The following CDH23 variants were observed in gnomAD, a reference collection of about 807,000 sequenced individuals.
CDH23 encodes cadherin-23.
A neutral mutation model predicts 317.1 loss-of-function variants in CDH23; 189 were observed. The ratio of observed to expected loss-of-function variants is 0.60; its 90% CI spans 0.53 to 0.67. The LOEUF (loss-of-function observed/expected upper bound fraction) is 0.67, where lower values mean the gene tolerates loss of function less well. Among genes scored for constraint, CDH23 ranks in the 30% least tolerant of loss-of-function variants. The pLI is 0.00. For missense variants in CDH23, 4,401 were observed against 4,592.4 expected, an observed-to-expected ratio of 0.96 and a Z score of 1.20; for synonymous variants, 1,839 against 1,876.8, an observed-to-expected ratio of 0.98 and a Z score of 0.52.
At chr10:71,631,917 A>G (rs1862030702) in intron 11 of CDH23, among the ~76,000 whole-genome samples, 1 of 152,242 alleles carries the variant, frequency 6.6e-6, no homozygotes, top group African/African-American at 2.4e-5. Context: ...GCATAATTCC[A>G]TGACATTCTC....
chr10:71,809,840 C>T lies in CDH23; in HGVS notation c.8743C>T (p.Arg2915Cys), dbSNP rs185818081. 11 of 1,612,754 alleles carry T rather than the reference C, an allele frequency of 6.8e-6. 1 individual carries two copies. The highest frequency in any genetic ancestry group is 3.3e-5 in the South Asian group (3 of 91,076). ...TGCAGGGAGCATGGACGGCATTCTG[C>T]GCACCTTCGACCTCTTCATGGCCTA... is the stretch of plus-strand genomic sequence containing the variant. ...FTMGSMDGILRTFDLFMAYSP... is the reference protein window; with the variant it reads ...FTMGSMDGILCTFDLFMAYSP... The change falls in exon 61 of 70, where the codon CGC becomes TGC. Residue 2915 changes from arginine to cysteine, a missense_variant. Around this residue, in one of 3 missense-constraint regions of CDH23, gnomAD observed 1,144 missense variants for 1,138.2 expected, o/e 1.01. Transcript: ENST00000224721.
At chr10:71,438,347 C>CAAAAAAAAAAAAAAAAAAAGAAAAAAAA (rs10596696) in intron 1 of CDH23, among the ~76,000 whole-genome samples, 3 of 98,348 alleles carry the variant, frequency 3.1e-5, no homozygotes, top group Admixed American at 1.1e-4. Context: ...CTGTCTCAAA[C>CAAAAAAAAAAAAAAAAAAAGAAAAAAAA]AAAAAAAAAA....
At chr10:71,466,226 G>A (rs1211879739) in intron 3 of CDH23, among the ~76,000 whole-genome samples, 1 of 152,140 alleles carries the variant, frequency 6.6e-6, no homozygotes, top group African/African-American at 2.4e-5. Context: ...TGTGAAGTGT[G>A]TCCCTGTTTG....
At chr10:71,810,617 C>T (rs1291747851) in intron 62 of CDH23, 48 bp downstream of exon 62, 2 of 1,565,804 alleles carry the variant, frequency 1.3e-6, no homozygotes, top group East Asian at 2.2e-5. Flanking sequence ...GTCTGCCTGC[C>T]TCCCTGCCCT....
chr10:71,767,466 T>C (rs1000365134), intron 38 of CDH23, among the ~76,000 whole-genome samples: 6 of 152,180 alleles, frequency 3.9e-5, no homozygotes, highest in Admixed American at 6.5e-5. Context: ...CTGCACTAGA[T>C]GCAAAAGGTC....
At chr10:71,537,495 G>C (rs1368255969) in intron 6 of CDH23, among the ~76,000 whole-genome samples, 1 of 152,216 alleles carries the variant, frequency 6.6e-6, no homozygotes, top group Non-Finnish European at 1.5e-5. Context: ...CTGATGCTGA[G>C]GACAGTGCAG....
At chr10:71,630,740 G>A (rs76294835) in intron 11 of CDH23, among the ~76,000 whole-genome samples, 2,828 of 152,312 alleles carry the variant, frequency 0.019, 185 homozygotes, top group East Asian at 0.16. Flanking sequence ...CAGGGCCTCG[G>A]TGAGGGGCTG....
At chr10:71,688,811 G>A (rs1865031161) in intron 19 of CDH23, among the ~76,000 whole-genome samples, 1 of 15,856 alleles carries the variant, frequency 6.3e-5, no homozygotes. Context: ...TGGAGCCAAC[G>A]GTGGTGGAGC....
chr10:71,712,983 C>T (rs1866044179), intron 28 of CDH23, 170 bp downstream of exon 28: 2 of 825,576 alleles, frequency 2.4e-6, no homozygotes, highest in Non-Finnish European at 4.1e-6. Context: ...GGCCCTCTCC[C>T]ATCCCAGGGA....
rs191443600 is a variant in CDH23, at chr10:71,799,746, A to C, written c.7362+117A>C. 547 of 1,392,476 alleles carry C rather than the reference A, an allele frequency of 3.9e-4. 1 individual carries two copies. The African/African-American group carries it at 6.3e-3, about 16-fold the overall frequency. 86.3% of individuals were successfully genotyped at this position (1,392,476 alleles called of 1,614,324 possible). A position where few individuals can be genotyped will look rare whatever the true frequency, so the allele number is the denominator to read the frequency against. ...TGGGTCTTGTCGCCTGGACATCTGCATCCCCAGAGGTTCTTTAGCCAAGTC... is the reference window on the plus strand; with the variant it reads ...TGGGTCTTGTCGCCTGGACATCTGCCTCCCCAGAGGTTCTTTAGCCAAGTC... On this transcript the variant is annotated intron_variant, in intron 52 of 69. Coordinates refer to ENST00000224721, the MANE Select transcript of CDH23 (RefSeq NM_022124.6).
At chr10:71,707,295 G>C in intron 26 of CDH23, 1 of 1,432,330 alleles carries the variant, frequency 7.0e-7, no homozygotes, top group East Asian at 2.5e-5. Flanking sequence ...TTGCAGGGAC[G>C]GGGAGCATCT....
At position 71,761,840 on chromosome 10, in the gene CDH23, C is replaced by T. The variant is rs374460058; in HGVS notation, c.4846-15840C>T. On this transcript the variant is annotated intron_variant, in intron 38 of 69. Transcript: ENST00000224721. ...GTGAAGGTCCTGGAACGTGAGGTTG[C>T]GGATGGGCCGGCGCTCTGAGCAGGT... is the stretch of plus-strand genomic sequence containing the variant. 2.5e-6 allele frequency: 4 copies of T among 1,613,990 alleles called. No individual in the cohort carries two copies. The African/African-American group carries it at 4.0e-5, about 16-fold the overall frequency.
intron 1 of CDH23, among the ~76,000 whole-genome samples, chr10:71,405,740 G>A (rs1453441240): frequency 6.6e-6 from 1 of 152,098 alleles, no homozygotes; most frequent in African/African-American, 2.4e-5. Flanking sequence ...GCCCAGCCAC[G>A]GATGGACTTT....
intron 60 of CDH23, 146 bp from the exon 61 acceptor site, chr10:71,809,674 C>T: frequency 8.8e-7 from 1 of 1,135,350 alleles, no homozygotes; most frequent in Non-Finnish European, 1.2e-6. Context: ...TTCCCACTTG[C>T]CTGTCACCTT....
chr10:71,800,905 G>A, intron 53 of CDH23, 150 bp downstream of exon 53: 1 of 1,101,108 alleles, frequency 9.1e-7, no homozygotes, highest in Non-Finnish European at 1.3e-6. Context: ...AGGCAAGAGG[G>A]TAACTGGATG....
intron 3 of CDH23, among the ~76,000 whole-genome samples, chr10:71,486,493 C>T (rs760119257): frequency 1.3e-5 from 2 of 151,682 alleles, no homozygotes; most frequent in East Asian, 1.9e-4. Flanking sequence ...GACAGGGGCT[C>T]GAGGGGACAC....
intron 3 of CDH23, among the ~76,000 whole-genome samples, chr10:71,479,833 A>G (rs941931948): frequency 6.6e-6 from 1 of 152,084 alleles, no homozygotes; most frequent in Admixed American, 6.5e-5. Context: ...GTGTGTGTGC[A>G]TCCATAAGGG....
intron 9 of CDH23, among the ~76,000 whole-genome samples, chr10:71,599,847 T>A (rs1302832797): frequency 6.6e-6 from 1 of 152,192 alleles, no homozygotes; most frequent in African/African-American, 2.4e-5. Flanking sequence ...CTCCAGGGGA[T>A]GAAGGAAAAG....
intron 14 of CDH23, among the ~76,000 whole-genome samples, chr10:71,667,986 G>C (rs999178895): frequency 2.0e-5 from 3 of 152,140 alleles, no homozygotes; most frequent in Non-Finnish European, 4.4e-5. Flanking sequence ...GGTGGCCTCA[G>C]GTTGGGCCAC....
Sources: gnomAD v4.1 joint callset for allele counts (sites outside exome capture counted in the v4.1 genomes callset) on GRCh38, gnomAD v4.1.1 for gene constraint, gnomAD v4.1.1 regional missense constraint, MANE v1.5 for transcripts, NCBI Gene and HGNC (gene_info 2026-07-23, HGNC 2026-07-21) for gene names.